Variants in KIAA1958 observed in about 807,000 individuals in gnomAD.
The protein encoded by KIAA1958 is uncharacterized protein KIAA1958.
Under a neutral mutation model 47.2 loss-of-function variants are expected in KIAA1958, and 14 were observed. The observed-to-expected ratio is 0.30, with a 90% CI of 0.20 to 0.46. The LOEUF is 0.46. KIAA1958 is among the 20% of genes least tolerant of loss of function. The pLI, the probability that KIAA1958 is intolerant of heterozygous loss-of-function variation, is 1.00. For synonymous variants in KIAA1958, 354 were observed against 353.3 expected (o/e 1.00, Z -0.02); for missense variants, 803 against 909.2 (o/e 0.88, Z 1.50).
chr9:112,493,981 A>G (rs1020752530), intron 1 of KIAA1958, among the ~76,000 whole-genome samples: 21 of 152,256 alleles, frequency 1.4e-4, no homozygotes, highest in African/African-American at 4.6e-4. Flanking sequence ...GATAGTGTGT[A>G]AATGAACTAG....
chr9:112,612,226 C>T (rs926572697), intron 2 of KIAA1958, among the ~76,000 whole-genome samples: 4 of 151,832 alleles, frequency 2.6e-5, no homozygotes, highest in East Asian at 3.9e-4. Context: ...TGGACAACTT[C>T]GTAAGACCCC....
chr9:112,611,772 C>T (rs2131210453), intron 2 of KIAA1958, among the ~76,000 whole-genome samples: 1 of 151,962 alleles, frequency 6.6e-6, no homozygotes, highest in South Asian at 2.1e-4. Flanking sequence ...TTAAAATATA[C>T]TGGAATGTTC....
At chr9:112,639,690 T>C (rs931359499) in intron 2 of KIAA1958, among the ~76,000 whole-genome samples, 2 of 152,158 alleles carry the variant, frequency 1.3e-5, no homozygotes, top group African/African-American at 2.4e-5. Flanking sequence ...GCCCCCATAG[T>C]GTAAGATATT....
At chr9:112,543,501 A>G (rs991136557) in intron 1 of KIAA1958, among the ~76,000 whole-genome samples, 3 of 151,584 alleles carry the variant, frequency 2.0e-5, no homozygotes, top group African/African-American at 4.9e-5. Context: ...GGTTTGTACA[A>G]AGGAATTTGT....
chr9:112,566,358 G>A (rs942491202), intron 1 of KIAA1958, among the ~76,000 whole-genome samples: 2 of 152,014 alleles, frequency 1.3e-5, no homozygotes, highest in African/African-American at 4.8e-5. Context: ...TTTTACTATT[G>A]TATAGTAGCT....
intron 1 of KIAA1958, among the ~76,000 whole-genome samples, chr9:112,516,313 T>C (rs150323801): frequency 6.6e-6 from 1 of 152,166 alleles, no homozygotes; most frequent in East Asian, 1.9e-4. Flanking sequence ...TTCTATATAT[T>C]AGCAACAAGC....
At chr9:112,610,923 A>G (rs1836317515) in intron 2 of KIAA1958, among the ~76,000 whole-genome samples, 1 of 152,222 alleles carries the variant, frequency 6.6e-6, no homozygotes, top group Non-Finnish European at 1.5e-5. Flanking sequence ...AACAGACATT[A>G]AATAATGCTT....
chr9:112,533,111 G>A (rs1300360482), intron 1 of KIAA1958, among the ~76,000 whole-genome samples: 1 of 151,974 alleles, frequency 6.6e-6, no homozygotes, highest in African/African-American at 2.4e-5. Context: ...GTGTATCTAT[G>A]TATAATCTGC....
At chr9:112,560,377 T>A (rs1835306938) in intron 1 of KIAA1958, among the ~76,000 whole-genome samples, 1 of 151,884 alleles carries the variant, frequency 6.6e-6, no homozygotes, top group Non-Finnish European at 1.5e-5. Flanking sequence ...ATTTTTTAAA[T>A]GTTTTATAGA....
chr9:112,504,888 G>C (rs1834206817), intron 1 of KIAA1958, among the ~76,000 whole-genome samples: 1 of 152,144 alleles, frequency 6.6e-6, no homozygotes, highest in Non-Finnish European at 1.5e-5. Flanking sequence ...AATGCGTAGT[G>C]ATCAAGTCAG....
Position 112,574,844 on chromosome 9 carries a change from A to G in KIAA1958, c.764A>G (p.His255Arg), listed in dbSNP as rs1372429005. Reference sequence around the variant, plus strand: ...GTAGGGTCTGCTAAACTGATTCCCCATGTCACATCTGCCATCAGCACGGAG... The same window carrying G: ...GTAGGGTCTGCTAAACTGATTCCCCGTGTCACATCTGCCATCAGCACGGAG... ...SCVGSAKLIP[H>R]VTSAISTELD... is the part of the protein sequence containing the mutation. Residue 255 changes from histidine (H) to arginine (R), a missense_variant, in exon 2 of 4, where the codon CAT becomes CGT. This residue lies in a region of KIAA1958 where 761 missense variants were observed against 829.3 expected (regional missense o/e 0.92). Coordinates refer to ENST00000337530, the MANE Select transcript of KIAA1958 (RefSeq NM_133465.4). 4 of 1,614,070 alleles carry G rather than the reference A, an allele frequency of 2.5e-6. No individual in the cohort carries two copies. The highest frequency in any genetic ancestry group is 1.3e-5 in the African/African-American group (1 of 75,006).
intron 1 of KIAA1958, among the ~76,000 whole-genome samples, chr9:112,509,086 G>GTT (rs781639077): frequency 1.8e-5 from 1 of 54,934 alleles, no homozygotes; most frequent in East Asian, 2.7e-4. Flanking sequence ...TACATTTAAT[G>GTT]TTTTTTTTTT....
At chr9:112,608,615 C>T (rs564690261) in intron 2 of KIAA1958, among the ~76,000 whole-genome samples, 15 of 152,242 alleles carry the variant, frequency 9.9e-5, no homozygotes, top group South Asian at 8.3e-4. Context: ...ATGGCAAAAC[C>T]GTTATCTATA....
chr9:112,659,487 G>A lies in KIAA1958; in HGVS notation c.1569G>A (p.Ser523=), dbSNP rs1447412476. 22 of 1,613,486 alleles carry A rather than the reference G, an allele frequency of 1.4e-5. No individual in the cohort carries two copies. Among genetic ancestry groups the A allele is most frequent in the Admixed American group, 8.3e-5 (5 of 59,908 alleles). Residue 523 remains serine (S), a synonymous_variant, in exon 4 of 4, where the codon TCG becomes TCA. Coordinates refer to ENST00000337530, the MANE Select transcript of KIAA1958 (RefSeq NM_133465.4). ...KLWVLSKAGM[S]GARSRNIVYF... ...GGGTGCTGAGTAAGGCAGGCATGTC[G>A]GGCGCGCGTTCTCGCAACATCGTCT...
intron 1 of KIAA1958, among the ~76,000 whole-genome samples, chr9:112,554,991 A>G (rs533802934): frequency 6.6e-6 from 1 of 152,374 alleles, no homozygotes; most frequent in Admixed American, 6.5e-5. Context: ...AAGAACTAAA[A>G]ACAAAAATAC....
chr9:112,491,449 T>C (rs1833966918), intron 1 of KIAA1958, among the ~76,000 whole-genome samples: 1 of 152,180 alleles, frequency 6.6e-6, no homozygotes, highest in African/African-American at 2.4e-5. Flanking sequence ...AATAGCTTTC[T>C]CCTTCACCTT....
rs1028808151 is a variant in KIAA1958 at position 112,666,901 on chromosome 9, A to G, written c.*6832A>G. On this transcript the variant is annotated 3_prime_UTR_variant, in exon 4 of 4. Coordinates refer to ENST00000337530, the MANE Select transcript of KIAA1958 (RefSeq NM_133465.4). ...CCCCAACCCACTTCCTCTTCATTCA[A>G]TCCCACATAAATCTTAGAGCTAAAA... 1.3e-5 allele frequency: 2 copies of G among 152,212 alleles called. No individual in the cohort carries two copies. Among genetic ancestry groups the G allele is most frequent in the African/African-American group, 4.8e-5 (2 of 41,442 alleles). 9.4% of individuals were successfully genotyped at this position (152,212 alleles called of 1,614,324 possible).
chr9:112,573,996 A>C, intron 1 of KIAA1958, 61 bp from the exon 2 acceptor site: 1 of 857,460 alleles, frequency 1.2e-6, no homozygotes, highest in African/African-American at 1.7e-5. Flanking sequence ...AAACTGAAGT[A>C]ATTGAGCTAT....
chr9:112,494,952 A>T (rs1042442802), intron 1 of KIAA1958, among the ~76,000 whole-genome samples: 6 of 151,030 alleles, frequency 4.0e-5, no homozygotes, highest in South Asian at 2.1e-4. Context: ...TCATTTAAAA[A>T]TTTTTTCCCC....
Sources: allele counts gnomAD v4.1 joint callset (sites outside exome capture counted in the v4.1 genomes callset), GRCh38; gene constraint gnomAD v4.1.1; regional missense constraint gnomAD v4.1.1; transcripts MANE v1.5; gene names NCBI Gene and HGNC (gene_info 2026-07-23, HGNC 2026-07-21).